PITRM1: variants seen among roughly 807,000 people sequenced by gnomAD.
The protein encoded by PITRM1 is presequence protease, mitochondrial.
PITRM1 carries 100 observed loss-of-function variants against 129.9 expected under a neutral mutation model. The observed-to-expected ratio is 0.77, with a 90% CI of 0.65 to 0.91. PITRM1 has a LOEUF of 0.91. Ranked by LOEUF, PITRM1 falls within the 40% of genes least tolerant of loss-of-function variation. The probability of loss-of-function intolerance (pLI) is 0.00; values close to 1 mark genes in which losing one functional copy is unlikely to be tolerated. For missense variants in PITRM1, 1,471 were observed against 1,318.3 expected, an observed-to-expected ratio of 1.12 and a Z score of -1.79; for synonymous variants, 591 against 508.8, an observed-to-expected ratio of 1.16 and a Z score of -2.17.
At chr10:3,165,565 AG>A in intron 4 of PITRM1, 38 bp from the exon 5 acceptor site, 1 of 1,148,744 alleles carries the variant, frequency 8.7e-7, no homozygotes, top group Non-Finnish European at 1.3e-6. Context: ...AAAATATAAC[AG>A]ATTTCTACTA....
intron 18 of PITRM1, 111 bp from the exon 19 acceptor site, chr10:3,147,848 A>G (rs1225685424): frequency 5.1e-6 from 6 of 1,179,862 alleles, no homozygotes; most frequent in African/African-American, 3.1e-5. Flanking sequence ...AAGAAATTTT[A>G]TAAGTCCATA....
At chr10:3,140,866 CAAT>C in intron 23 of PITRM1, 54 bp from the exon 24 acceptor site, 1 of 1,380,176 alleles carries the variant, frequency 7.2e-7, no homozygotes, top group Non-Finnish European at 1.0e-6. Context: ...AAAGCATAGA[CAAT>C]GAAGTAATTG....
At chr10:3,172,459 C>T (rs1310849193) in intron 1 of PITRM1, among the ~76,000 whole-genome samples, 2 of 152,216 alleles carry the variant, frequency 1.3e-5, no homozygotes, top group Non-Finnish European at 2.9e-5. Context: ...AATGGAGGGC[C>T]CCGCCGGGAG....
chr10:3,157,945 A>C (rs1478542825), intron 11 of PITRM1, 95 bp downstream of exon 11: 7 of 770,814 alleles, frequency 9.1e-6, no homozygotes, highest in Non-Finnish European at 1.4e-5. Flanking sequence ...ATGACAGAGA[A>C]GGAAGGCCGA....
At chr10:3,154,286 T>A (rs1419580569) in intron 14 of PITRM1, among the ~76,000 whole-genome samples, 2 of 152,244 alleles carry the variant, frequency 1.3e-5, no homozygotes, top group East Asian at 3.9e-4. Flanking sequence ...TCAAGCTTTG[T>A]GCGGACGCCT....
chr10:3,168,665 C>T (rs1843083361), intron 2 of PITRM1, among the ~76,000 whole-genome samples: 1 of 152,152 alleles, frequency 6.6e-6, no homozygotes, highest in Non-Finnish European at 1.5e-5. Context: ...CTTCCCCCTT[C>T]ACTTGATCCT....
At chr10:3,147,961 T>C (rs1841077365) in intron 18 of PITRM1, 26 bp downstream of exon 18, 3 of 1,547,596 alleles carry the variant, frequency 1.9e-6, no homozygotes, top group East Asian at 2.2e-5. Context: ...ACCCCAAGAA[T>C]GGACAACTCT....
Position 3,157,049 on chromosome 10 carries a change from A to T in PITRM1, c.1363T>A (p.Trp455Arg), listed in dbSNP as rs1384930729. ...TCCACAGGGTCCCCATCATGGTTCCAGCAAGAAGCTATGTACTGGAAGGAA... is the reference window on the plus strand; with the variant it reads ...TCCACAGGGTCCCCATCATGGTTCCTGCAAGAAGCTATGTACTGGAAGGAA... ...LMLTSYIASCWNHDGDPVELL... is the reference protein window; with the variant it reads ...LMLTSYIASCRNHDGDPVELL... The change falls in exon 13 of 27, where the codon TGG (tryptophan) becomes AGG (arginine). Residue 455 changes from tryptophan to arginine, a missense_variant. Coordinates refer to ENST00000224949, the MANE Select transcript of PITRM1 (RefSeq NM_014889.4). The T allele has an allele frequency of 7.5e-6, 12 of 1,609,960 alleles. No individual in the cohort carries two copies. Among genetic ancestry groups the T allele is most frequent in the Non-Finnish European group, 9.3e-6 (11 of 1,178,914 alleles).
intron 25 of PITRM1, 43 bp downstream of exon 25, chr10:3,138,859 CTG>C (rs1564379041): frequency 6.3e-7 from 1 of 1,598,928 alleles, no homozygotes; most frequent in South Asian, 1.1e-5. Context: ...GCAACGTCAT[CTG>C]TGAGGCTGTG....
chr10:3,142,660 C>T (rs919637272), intron 23 of PITRM1, among the ~76,000 whole-genome samples: 2 of 152,202 alleles, frequency 1.3e-5, no homozygotes, highest in South Asian at 2.1e-4. Context: ...CAAACTCCCT[C>T]GCCCCACGCC....
intron 15 of PITRM1, among the ~76,000 whole-genome samples, chr10:3,150,126 C>T (rs368970232): frequency 6.6e-6 from 1 of 152,006 alleles, no homozygotes; most frequent in Non-Finnish European, 1.5e-5. Flanking sequence ...ACAGGCCCTG[C>T]CACCCTCTGG....
rs752791286 is a variant in PITRM1 at position 3,166,255 on chromosome 10, A to G, written c.392T>C (p.Leu131Pro). The G allele has an allele frequency of 1.9e-6, 3 of 1,613,022 alleles. No homozygotes were observed. The highest frequency in any genetic ancestry group is 4.5e-5 in the East Asian group (2 of 44,844). Residue 131 changes from leucine to proline, a missense_variant, in exon 4 of 27, where the codon CTC becomes CCC. Transcript: ENST00000224949. ...DPFFKMLNRS[L>P]STFMNAFTAS... Reference sequence around the variant, plus strand: ...TGTGAAGGCGTTCATGAACGTGGAGAGGGACCGGTTCAACATTTTGAAGAA... The same window carrying G: ...TGTGAAGGCGTTCATGAACGTGGAGGGGGACCGGTTCAACATTTTGAAGAA...
chr10:3,137,927 A>G lies in PITRM1; in HGVS notation c.*104T>C. On this transcript the variant is annotated 3_prime_UTR_variant, in exon 27 of 27. Coordinates refer to ENST00000224949, the MANE Select transcript of PITRM1 (RefSeq NM_014889.4). ...CCAGTCAAGGGCTTTGGCGACACTC[A>G]ATGACATAATATTCTTGGAAAAAGC... is the stretch of plus-strand genomic sequence containing the variant. The G allele has an allele frequency of 1.4e-6, 1 of 709,966 alleles. No individual in the cohort carries two copies. Among genetic ancestry groups the G allele is most frequent in the Non-Finnish European group, 2.4e-6 (1 of 414,964 alleles). The allele number at this position is 709,966 out of a possible 1,614,324, so 44.0% of individuals were successfully genotyped here. A position where few individuals can be genotyped will look rare whatever the true frequency, so the allele number is the denominator to read the frequency against.
Position 3,166,396 on chromosome 10 carries a change from G to GGCACGCTAGGGAAGGCGAATC in PITRM1, c.267-17_267-16insGATTCGCCTTCCCTAGCGTGC. The stretch of plus-strand genomic sequence containing the variant: ...GAACTGCACGCTAGGGAAGGAGAAT[G>GGCACGCTAGGGAAGGCGAATC]ACCAGAACGCAAAAGGTTCAGCTTA... On this transcript the variant is annotated splice_polypyrimidine_tract_variant and intron_variant, in intron 3 of 26. Transcript: ENST00000224949. The GGCACGCTAGGGAAGGCGAATC allele has an allele frequency of 6.6e-7, 1 of 1,525,838 alleles. No homozygotes were observed. The highest frequency in any genetic ancestry group is 2.3e-5 in the East Asian group (1 of 43,940). 94.5% of individuals were successfully genotyped at this position (1,525,838 alleles called of 1,614,324 possible).
Position 3,160,250 on chromosome 10 carries a change from A to G in PITRM1, c.872T>C (p.Ile291Thr), listed in dbSNP as rs1276391416. ...AGCTGGCACCACGGTGCTTGGTTCA[A>G]TTTTCTGGAATTTGCTCAGTGCTTC... Reference protein sequence around the residue: ...HEEALSKFQKIEPSTVVPAQT... With the variant: ...HEEALSKFQKTEPSTVVPAQT... The change falls in exon 8 of 27, where the codon ATT becomes ACT. Residue 291 changes from isoleucine (I) to threonine (T), a missense_variant. Coordinates refer to ENST00000224949, the MANE Select transcript of PITRM1 (RefSeq NM_014889.4). 6 of 1,613,930 alleles carry G rather than the reference A, an allele frequency of 3.7e-6. No homozygotes were observed. Among genetic ancestry groups the G allele is most frequent in the Middle Eastern group, 1.6e-4 (1 of 6,062 alleles).
Position 3,166,990 on chromosome 10 carries a change from T to C in PITRM1, c.212A>G (p.Asp71Gly), listed in dbSNP as rs1189065769. The change falls in exon 3 of 27, where the codon GAC becomes GGC. Residue 71 changes from aspartate (D) to glycine (G), a missense_variant. Physicochemically the swap from Asp to Gly is moderately conservative, Grantham distance 94 (BLOSUM62 -1). Transcript: ENST00000224949. The stretch of plus-strand genomic sequence containing the variant: ...CAGGTGTAAATACCTGGCTCCTGTG[T>C]CATCATGGGTGAGCTTCACTGCAGT... ...FLTAVKLTHD[D>G]TGARYLHLAR... 2 of 1,611,490 alleles carry C rather than the reference T, an allele frequency of 1.2e-6. No homozygotes were observed. The highest frequency in any genetic ancestry group is 1.7e-6 in the Non-Finnish European group (2 of 1,178,748).
Position 3,166,299 on chromosome 10 carries a change from T to C in PITRM1, c.348A>G (p.Lys116=). 2 of 1,613,442 alleles carry C rather than the reference T, an allele frequency of 1.2e-6. No homozygotes were observed. Among genetic ancestry groups the C allele is most frequent in the Non-Finnish European group, 1.7e-6 (2 of 1,179,434 alleles). The change falls in exon 4 of 27, where the codon AAA becomes AAG. Residue 116 remains lysine, a synonymous_variant. Transcript: ENST00000224949. The part of the protein sequence containing the change: ...LEHTVLCGSQ[K]YPCRDPFFKM... ...TGAAGAAAGGGTCTCTGCACGGATA[T>C]TTCTGAGACCCACAAAGGACGGTAT...
At chr10:3,171,499 A>C (rs1350615101) in intron 1 of PITRM1, among the ~76,000 whole-genome samples, 1 of 152,180 alleles carries the variant, frequency 6.6e-6, no homozygotes, top group East Asian at 1.9e-4. Context: ...GCTGGAGTGC[A>C]GCGGTGCAAT....
rs776803799 is a variant in PITRM1 at position 3,138,095 on chromosome 10, C to G, written c.3050G>C (p.Gly1017Ala). The G allele has an allele frequency of 1.2e-6, 2 of 1,610,422 alleles. No individual in the cohort carries two copies. The highest frequency in any genetic ancestry group is 1.7e-6 in the Non-Finnish European group (2 of 1,178,526). ...GTTCTCGGGTCCGAGGATGGCCAGG[C>G]CGTGTGTGCTCTTCCCAGTGCCGAG... ...RYLGTGKSTH[G>A]LAILGPENPK... The change falls in exon 27 of 27, where the codon GGC (glycine) becomes GCC (alanine). Residue 1017 changes from glycine (G) to alanine (A), a missense_variant. Coordinates refer to ENST00000224949, the MANE Select transcript of PITRM1 (RefSeq NM_014889.4).
Sources: gnomAD v4.1 joint callset for allele counts (sites outside exome capture counted in the v4.1 genomes callset) on GRCh38, gnomAD v4.1.1 for gene constraint, MANE v1.5 for transcripts, NCBI Gene and HGNC (gene_info 2026-07-23, HGNC 2026-07-21) for gene names.